STARD3: variants seen among roughly 807,000 people sequenced by gnomAD.
STARD3 encodes the protein stAR-related lipid transfer protein 3.
In STARD3, 39 loss-of-function variants were observed where a neutral mutation model predicts 62.0. The ratio of observed to expected loss-of-function variants is 0.63; its 90% CI spans 0.49 to 0.82. The LOEUF (loss-of-function observed/expected upper bound fraction) is 0.82. Among genes scored for constraint, STARD3 ranks in the 40% least tolerant of loss-of-function variants. The pLI, the probability that STARD3 is intolerant of heterozygous loss-of-function variation, is 0.00. For missense variants in STARD3, 543 were observed against 584.5 expected, an observed-to-expected ratio of 0.93 and a Z score of 0.73; for synonymous variants, 229 against 242.4, an observed-to-expected ratio of 0.94 and a Z score of 0.51.
Position 39,661,202 on chromosome 17 carries a change from C to G in STARD3, c.1139+117C>G, listed in dbSNP as rs77181654. On this transcript the variant is annotated intron_variant, in intron 13 of 14. Coordinates refer to ENST00000336308, the MANE Select transcript of STARD3 (RefSeq NM_006804.4). ...CCCCTGCTGAGGCTGCGTTCCTGTT[C>G]CCTGTCCCGCTGGGCTCTGCTCCTC... 2.1e-3 allele frequency: 1,793 copies of G among 867,480 alleles called. 21 individuals are homozygous for G. The African/African-American group carries it at 0.027, about 13-fold the overall frequency. The allele number at this position is 867,480 out of a possible 1,614,324, so 53.7% of individuals were successfully genotyped here. A position where few individuals can be genotyped will look rare whatever the true frequency, so the allele number is the denominator to read the frequency against.
In STARD3 at chr17:39,653,647, C is replaced by T. The variant is rs767668825; in HGVS notation, c.116C>T (p.Pro39Leu). The T allele has an allele frequency of 5.6e-6, 9 of 1,614,084 alleles. No individual in the cohort carries two copies. The highest frequency in any genetic ancestry group is 2.2e-5 in the East Asian group (1 of 44,892). The change falls in exon 2 of 15, where the codon CCG becomes CTG. Residue 39 changes from proline (P) to leucine (L), a missense_variant. By Grantham distance (98) the Pro-to-Leu change is moderately conservative (BLOSUM62 -3). Transcript: ENST00000336308. ...AGCCTCTCCTCGCACCTCCTTCCGC[C>T]GCCTGAGAAGCGAAGGGCCATCTCT... ...SQSLSSHLLPPPEKRRAISDV... is the reference protein window; with the variant it reads ...SQSLSSHLLPLPEKRRAISDV...
intron 2 of STARD3, 43 bp downstream of exon 2, chr17:39,653,793 A>C (rs1597794851): frequency 6.2e-7 from 1 of 1,607,056 alleles, no homozygotes. Context: ...GTTGCAGGCC[A>C]CCCGGGCCTC....
rs1244894857 is a variant in STARD3, at chr17:39,662,115, A to G, written c.1140-136A>G. The G allele has an allele frequency of 6.8e-6, 5 of 735,858 alleles. No individual in the cohort carries two copies. In the East Asian group the frequency reaches 1.3e-4, roughly 20 times the overall value. 45.6% of individuals were successfully genotyped at this position (735,858 alleles called of 1,614,324 possible). ...GACACCTGTGCTAAGCCTTGTTCAG[A>G]TAGGGTAGCTCTGCCTTTCTGCTTC... is the stretch of plus-strand genomic sequence containing the variant. On this transcript the variant is annotated intron_variant, in intron 13 of 14. Transcript: ENST00000336308.
chr17:39,658,542 G>C lies in STARD3; in HGVS notation c.547+20G>C, dbSNP rs2057157326. On this transcript the variant is annotated intron_variant, in intron 6 of 14. Transcript: ENST00000336308. The stretch of plus-strand genomic sequence containing the variant: ...AGCGATGTGAGTGCTTGCGGGTAGG[G>C]GGGTGCAGCGAGGGTTACCCACAGC... The C allele has an allele frequency of 1.2e-6, 2 of 1,609,650 alleles. No homozygotes were observed. Among genetic ancestry groups the C allele is most frequent in the Non-Finnish European group, 1.7e-6 (2 of 1,176,856 alleles).
chr17:39,662,666 G>C, intron 14 of STARD3, 138 bp from the exon 15 acceptor site: 1 of 801,718 alleles, frequency 1.2e-6, no homozygotes, highest in Non-Finnish European at 2.0e-6. Flanking sequence ...CCAGGGGTGA[G>C]TGGGAGAGGG....
Position 39,653,737 on chromosome 17 carries a change from T to C in STARD3, c.206T>C (p.Ile69Thr). The change falls in exon 2 of 15, where the codon ATC becomes ACC. Residue 69 changes from isoleucine to threonine, a missense_variant. By Grantham distance (89) the Ile-to-Thr change is moderately conservative (BLOSUM62 -1). Transcript: ENST00000336308. ...CTGCTCTTCATCTCCCTGCTCTGGA[T>C]CATCGAACTGAATGTGAGTGGGGGC... ...FDLLFISLLWIIELNTNTGIR... is the reference protein window; with the variant it reads ...FDLLFISLLWTIELNTNTGIR... 2 of 1,614,140 alleles carry C rather than the reference T, an allele frequency of 1.2e-6. No homozygotes were observed. Among genetic ancestry groups the C allele is most frequent in the Non-Finnish European group, 1.7e-6 (2 of 1,180,020 alleles).
intron 4 of STARD3, 34 bp downstream of exon 4, chr17:39,657,886 C>A: frequency 6.2e-7 from 1 of 1,614,076 alleles, no homozygotes; most frequent in Non-Finnish European, 8.5e-7. Flanking sequence ...CTTCTGGGCC[C>A]TGGCAGGGCT....
At chr17:39,661,809 C>T (rs2057201984) in intron 13 of STARD3, among the ~76,000 whole-genome samples, 1 of 152,196 alleles carries the variant, frequency 6.6e-6, no homozygotes, top group Non-Finnish European at 1.5e-5. Flanking sequence ...CTCAGTGGAG[C>T]TGAGGGAGAA....
intron 5 of STARD3, 41 bp from the exon 6 acceptor site, chr17:39,658,364 G>T: frequency 6.3e-7 from 1 of 1,584,426 alleles, no homozygotes; most frequent in Non-Finnish European, 8.6e-7. Context: ...TCTGGGTTTG[G>T]GGTGACCCCT....
At chr17:39,659,133 T>A in intron 8 of STARD3, 27 bp downstream of exon 8, 1 of 1,613,954 alleles carries the variant, frequency 6.2e-7, no homozygotes, top group Non-Finnish European at 8.5e-7. Context: ...CCCTAACCCC[T>A]GCCCTTGGAA....
chr17:39,651,411 C>G (rs1335653295), intron 1 of STARD3, among the ~76,000 whole-genome samples: 1 of 152,204 alleles, frequency 6.6e-6, no homozygotes, highest in African/African-American at 2.4e-5. Context: ...CTCCCAAGAT[C>G]AGGGACAAAC....
At chr17:39,644,284 G>A (rs558509389) in intron 1 of STARD3, among the ~76,000 whole-genome samples, 1 of 152,276 alleles carries the variant, frequency 6.6e-6, no homozygotes, top group Admixed American at 6.5e-5. Flanking sequence ...GCTGGAACTT[G>A]TAAAGTTTGG....
chr17:39,644,982 G>A (rs745561289), intron 1 of STARD3, among the ~76,000 whole-genome samples: 15 of 152,204 alleles, frequency 9.9e-5, no homozygotes, highest in African/African-American at 2.2e-4. Context: ...GGGGTATGAC[G>A]AAGGGCTAGC....
At chr17:39,638,651 T>C (rs542820341) in intron 1 of STARD3, among the ~76,000 whole-genome samples, 1 of 152,334 alleles carries the variant, frequency 6.6e-6, no homozygotes, top group East Asian at 1.9e-4. Flanking sequence ...AATAGCATAG[T>C]AGCTGAGAAT....
chr17:39,656,957 C>G, intron 2 of STARD3, 51 bp from the exon 3 acceptor site: 1 of 1,592,460 alleles, frequency 6.3e-7, no homozygotes, highest in South Asian at 1.1e-5. Flanking sequence ...TGAGGGGCAG[C>G]CCCAGGCCCT....
intron 2 of STARD3, 94 bp downstream of exon 2, chr17:39,653,844 G>C (rs2057101589): frequency 1.4e-6 from 2 of 1,451,904 alleles, no homozygotes; most frequent in East Asian, 4.7e-5. Context: ...CCTCTCCCCT[G>C]GGGTTGGTTA....
chr17:39,654,924 T>G (rs1303648092), intron 2 of STARD3, among the ~76,000 whole-genome samples: 1 of 152,228 alleles, frequency 6.6e-6, no homozygotes, highest in Non-Finnish European at 1.5e-5. Context: ...TGAGGGTGAC[T>G]GTCGATTGTG....
At chr17:39,645,237 T>TC (rs1189510634) in intron 1 of STARD3, among the ~76,000 whole-genome samples, 1 of 152,124 alleles carries the variant, frequency 6.6e-6, no homozygotes, top group African/African-American at 2.4e-5. Context: ...GTCCTCTACT[T>TC]CCTGCCCCTC....
At chr17:39,659,696 G>A (rs2057173592) in intron 9 of STARD3, 143 bp downstream of exon 9, 7 of 857,266 alleles carry the variant, frequency 8.2e-6, no homozygotes, top group Non-Finnish European at 1.3e-5. Context: ...CCCTCGGGTC[G>A]GCAGGAGGCT....
Sources: gnomAD v4.1 joint callset for allele counts (sites outside exome capture counted in the v4.1 genomes callset) on GRCh38, gnomAD v4.1.1 for gene constraint, MANE v1.5 for transcripts, NCBI Gene and HGNC (gene_info 2026-07-23, HGNC 2026-07-21) for gene names.